Variants in CCNH observed in about 807,000 individuals in gnomAD.
CCNH encodes the protein cyclin-H.
Under a neutral mutation model 41.9 loss-of-function variants are expected in CCNH, and 31 were observed. That is an observed-to-expected ratio of 0.74 (90% CI 0.56 to 1.00). The LOEUF (loss-of-function observed/expected upper bound fraction) is 1.00, where lower values mean the gene tolerates loss of function less well. Among genes scored for constraint, CCNH ranks in the 50% least tolerant of loss-of-function variants. The pLI is 0.00. For missense variants in CCNH, 362 were observed against 388.4 expected (o/e 0.93, Z 0.57); for synonymous variants, 138 against 136.1 (o/e 1.01, Z -0.10).
exon 1 of CCNH, chr5:87,376,489 C>G: frequency 6.2e-7 from 1 of 1,613,998 alleles, no homozygotes; most frequent in Non-Finnish European, 8.5e-7. Context: ...GGTATTGAAC[C>G]AGGGTCCCTG....
At chr5:87,383,512 G>GAT (rs945607697) in intron 9 of CCNH, among the ~76,000 whole-genome samples, 4 of 151,934 alleles carry the variant, frequency 2.6e-5, no homozygotes, top group Admixed American at 6.6e-5. Flanking sequence ...TCAAGAAGCA[G>GAT]ATATATATAT....
chr5:87,399,298 T>C, intron 7 of CCNH, 96 bp downstream of exon 7: 1 of 853,522 alleles, frequency 1.2e-6, no homozygotes, highest in Non-Finnish European at 2.0e-6. Flanking sequence ...ATCAGTCAGC[T>C]TTCCTCTAAT....
intron 9 of CCNH, among the ~76,000 whole-genome samples, chr5:87,385,111 T>G (rs10942503): frequency 1.3e-5 from 2 of 152,104 alleles, no homozygotes; most frequent in African/African-American, 2.4e-5. Context: ...TCTCTTTTAA[T>G]TCAAGTTCTT....
At chr5:87,394,865 AAG>A (rs1762797617) in intron 8 of CCNH, 177 bp downstream of exon 8, 1 of 1,393,804 alleles carries the variant, frequency 7.2e-7, no homozygotes, top group Non-Finnish European at 9.3e-7. Flanking sequence ...ATAAAGACAG[AAG>A]AGAGAAAAAT....
intron 5 of CCNH, among the ~76,000 whole-genome samples, chr5:87,404,169 C>T (rs754425181): frequency 1.3e-5 from 2 of 152,012 alleles, no homozygotes; most frequent in Non-Finnish European, 2.9e-5. Flanking sequence ...GTGAAATACC[C>T]AAGTGATGTC....
chr5:87,324,573 T>G (rs545385536), intron 9 of CCNH, among the ~76,000 whole-genome samples: 1 of 152,310 alleles, frequency 6.6e-6, no homozygotes, highest in African/African-American at 2.4e-5. Context: ...ATATGTTACC[T>G]GTTGAAAAAG....
At chr5:87,406,625 A>G (rs1489772836) in intron 4 of CCNH, among the ~76,000 whole-genome samples, 1 of 152,032 alleles carries the variant, frequency 6.6e-6, no homozygotes, top group Non-Finnish European at 1.5e-5. Context: ...CACAATGCAA[A>G]TATTGCAAAA....
intron 9 of CCNH, among the ~76,000 whole-genome samples, chr5:87,382,822 G>A (rs956379155): frequency 6.6e-6 from 1 of 151,988 alleles, no homozygotes; most frequent in African/African-American, 2.4e-5. Flanking sequence ...GGTGGCTCAA[G>A]CCTGTAATCT....
intron 9 of CCNH, among the ~76,000 whole-genome samples, chr5:87,363,822 A>C (rs1760300265): frequency 6.6e-6 from 1 of 152,124 alleles, no homozygotes; most frequent in Non-Finnish European, 1.5e-5. Context: ...GGTTTAACTC[A>C]GTGTACCCAA....
At chr5:87,408,414 T>G (rs1470994822) in intron 3 of CCNH, among the ~76,000 whole-genome samples, 4 of 152,202 alleles carry the variant, frequency 2.6e-5, no homozygotes, top group Admixed American at 6.5e-5. Context: ...AAACCAATAT[T>G]GCCATGGCAT....
rs750833206 is a variant in CCNH at position 87,331,251 on chromosome 5, T to G, written c.*91-12354A>C. The G allele has an allele frequency of 3.2e-6, 4 of 1,249,134 alleles. No homozygotes were observed. In the African/African-American group the frequency reaches 5.9e-5, roughly 18 times the overall value. The allele number at this position is 1,249,134 out of a possible 1,614,324, so 77.4% of individuals were successfully genotyped here. On this transcript the variant is annotated intron_variant and NMD_transcript_variant, in intron 9 of 9. Transcript: ENST00000645953. ...AAAATGTAAATGTTTAAGTTACATG[T>G]AGGCATTTAAAACCTCTAGTAGTAT...
At chr5:87,343,270 G>A (rs564713028) in intron 9 of CCNH, among the ~76,000 whole-genome samples, 3 of 152,174 alleles carry the variant, frequency 2.0e-5, no homozygotes, top group South Asian at 2.1e-4. Flanking sequence ...AATGTTTACC[G>A]CCTTCTCAAA....
intron 9 of CCNH, among the ~76,000 whole-genome samples, chr5:87,369,583 CTTTAG>C (rs1265670563): frequency 1.3e-5 from 2 of 151,914 alleles, no homozygotes; most frequent in African/African-American, 4.8e-5. Flanking sequence ...ATTGAAATTT[CTTTAG>C]TTTACACTTT....
chr5:87,402,277 C>A (rs1580451494), intron 5 of CCNH, among the ~76,000 whole-genome samples: 1 of 152,164 alleles, frequency 6.6e-6, no homozygotes, highest in Admixed American at 6.5e-5. Flanking sequence ...AACAAGACTA[C>A]CACCTAATGC....
chr5:87,338,988 TACTC>T (rs1758244645), intron 9 of CCNH, among the ~76,000 whole-genome samples: 1 of 152,140 alleles, frequency 6.6e-6, no homozygotes, highest in South Asian at 2.1e-4. Context: ...TCAGAGACAA[TACTC>T]AGTATCAAAT....
chr5:87,322,538 T>TC (rs1034996524), intron 9 of CCNH, among the ~76,000 whole-genome samples: 7 of 152,016 alleles, frequency 4.6e-5, no homozygotes, highest in African/African-American at 1.7e-4. Context: ...GCCTGGCTCC[T>TC]CCCCCCTTCT....
chr5:87,394,620 A>G, intron 8 of CCNH, 136 bp from the exon 9 acceptor site: 1 of 1,488,654 alleles, frequency 6.7e-7, no homozygotes, highest in Non-Finnish European at 8.9e-7. Context: ...AAATTTTGTA[A>G]TAGTTCACTG....
chr5:87,326,621 C>T (rs568153568), intron 9 of CCNH, among the ~76,000 whole-genome samples: 2 of 152,232 alleles, frequency 1.3e-5, no homozygotes, highest in South Asian at 2.1e-4. Context: ...TAATGTGTTA[C>T]ATTAAGCAGT....
At chr5:87,380,717 G>A, upstream of CCNH, 1 of 937,462 alleles carries the variant, frequency 1.1e-6, no homozygotes, top group Non-Finnish European at 1.7e-6. Context: ...AAGCCCTGTT[G>A]CATATTTTCT....
Sources: gnomAD v4.1 joint callset for allele counts (sites outside exome capture counted in the v4.1 genomes callset) on GRCh38, gnomAD v4.1.1 for gene constraint, MANE v1.5 for transcripts, NCBI Gene and HGNC (gene_info 2026-07-23, HGNC 2026-07-21) for gene names.